Variants in WNT10A observed in about 807,000 individuals in gnomAD.
WNT10A encodes Wnt family member 10A.
WNT10A carries 37 observed loss-of-function variants against 36.1 expected under a neutral mutation model. The ratio of observed to expected loss-of-function variants is 1.02; its 90% confidence interval spans 0.79 to 1.35. The LOEUF (loss-of-function observed/expected upper bound fraction) is 1.35. Among genes scored for constraint, WNT10A ranks in the 40% most tolerant of loss-of-function variants. WNT10A has a pLI of 0.00. For missense variants in WNT10A, 613 were observed against 601.4 expected (o/e 1.02, Z -0.20); for synonymous variants, 255 against 254.1 (o/e 1.00, Z -0.03).
intron 2 of WNT10A, among the ~76,000 whole-genome samples, chr2:218,883,411 C>T (rs536912205): frequency 3.0e-4 from 45 of 152,200 alleles, no homozygotes; most frequent in Middle Eastern, 3.4e-3. Context: ...TCAGGCTGTA[C>T]CTCAAATTCG....
intron 2 of WNT10A, among the ~76,000 whole-genome samples, chr2:218,885,904 A>G (rs1265851606): frequency 6.6e-6 from 1 of 152,218 alleles, no homozygotes; most frequent in Middle Eastern, 3.2e-3. Flanking sequence ...TGTGTTAGGC[A>G]CTGCTCTACA....
intron 2 of WNT10A, among the ~76,000 whole-genome samples, chr2:218,886,384 C>G (rs958413939): frequency 6.6e-6 from 1 of 152,072 alleles, no homozygotes; most frequent in Non-Finnish European, 1.5e-5. Context: ...AGACCTCTCC[C>G]CTTCCCTCCC....
chr2:218,880,704 G>A, upstream of WNT10A: 2 of 368,650 alleles, frequency 5.4e-6, no homozygotes, highest in East Asian at 1.1e-4. The surrounding 1 kb of genome is among the most constrained non-coding windows in gnomAD (Gnocchi z 7.7). Flanking sequence ...TTACCCTTGA[G>A]AGGCACCGGG....
At chr2:218,887,389 C>T (rs955531923) in intron 2 of WNT10A, among the ~76,000 whole-genome samples, 4 of 152,066 alleles carry the variant, frequency 2.6e-5, no homozygotes, top group African/African-American at 7.2e-5. Flanking sequence ...GCTCAAAGTT[C>T]CACAGATAAA....
At chr2:218,879,174 C>G (rs1944481763), upstream of WNT10A, among the ~76,000 whole-genome samples, 1 of 150,994 alleles carries the variant, frequency 6.6e-6, no homozygotes, top group South Asian at 2.1e-4. Context: ...GGGAGTATGC[C>G]GTCAGCCTGC....
At chr2:218,880,718 TGTC>T (rs898683008), upstream of WNT10A, 6 of 399,036 alleles carry the variant, frequency 1.5e-5, no homozygotes, top group African/African-American at 1.1e-4. The surrounding 1 kb of genome is among the most constrained non-coding windows in gnomAD (Gnocchi z 7.7). Flanking sequence ...CACCGGGAGT[TGTC>T]GCGGGGGGGC....
In WNT10A at chr2:218,890,297, C is replaced by T. The variant is rs754257075; in HGVS notation, c.690C>T (p.Asp230=). 5 of 1,606,092 alleles carry T rather than the reference C, an allele frequency of 3.1e-6. No homozygotes were observed. Among genetic ancestry groups the T allele is most frequent in the Non-Finnish European group, 3.4e-6 (4 of 1,179,958 alleles). Residue 230 remains aspartate (D), a synonymous_variant, in exon 3 of 4, where the codon GAC becomes GAT. Coordinates refer to ENST00000258411, the MANE Select transcript of WNT10A (RefSeq NM_025216.3). ...FGERFSKDFL[D]SREPHRDIHA... is the part of the protein sequence containing the mutation. ...AGCGCTTTTCTAAGGACTTTCTGGACTCCCGGGAGCCTCACAGAGACATCC... is the reference window on the plus strand; with the variant it reads ...AGCGCTTTTCTAAGGACTTTCTGGATTCCCGGGAGCCTCACAGAGACATCC...
intron 3 of WNT10A, among the ~76,000 whole-genome samples, chr2:218,890,836 A>C (rs1169533454): frequency 6.6e-6 from 1 of 152,148 alleles, no homozygotes; most frequent in Non-Finnish European, 1.5e-5. Flanking sequence ...CTGCAAAGTA[A>C]GGGGTGTAAG....
chr2:218,881,218 G>A (rs1051556402), intron 1 of WNT10A, 110 bp downstream of exon 1: 1 of 1,497,856 alleles, frequency 6.7e-7, no homozygotes, highest in Non-Finnish European at 9.1e-7. Flanking sequence ...GAGGGACAGG[G>A]TCATAGGAAA....
intron 2 of WNT10A, chr2:218,883,919 CG>C (rs1443814416): frequency 6.6e-6 from 1 of 152,350 alleles, no homozygotes; most frequent in Non-Finnish European, 1.5e-5. Context: ...TCACCGCCGC[CG>C]CGGGCCCGCT....
upstream of WNT10A, among the ~76,000 whole-genome samples, chr2:218,876,931 T>G (rs1362778928): frequency 6.6e-6 from 1 of 152,022 alleles, no homozygotes; most frequent in African/African-American, 2.4e-5. Flanking sequence ...ACAGACAGCT[T>G]GGGTCAAGCT....
intron 3 of WNT10A, among the ~76,000 whole-genome samples, chr2:218,892,000 C>T (rs1944656383): frequency 6.6e-6 from 1 of 152,088 alleles, no homozygotes; most frequent in African/African-American, 2.4e-5. Context: ...CCCATAACCA[C>T]CTCCCTTGGA....
chr2:218,877,081 C>A (rs961099052), upstream of WNT10A, among the ~76,000 whole-genome samples: 1 of 152,128 alleles, frequency 6.6e-6, no homozygotes, highest in East Asian at 1.9e-4. This position sits in a 1 kb window ranked among gnomAD's most constrained non-coding sequence, Gnocchi z 4.1. Context: ...CTCCACAATG[C>A]CAGGGAGGGA....
intron 3 of WNT10A, 74 bp from the exon 4 acceptor site, chr2:218,892,700 G>A: frequency 6.5e-7 from 1 of 1,541,522 alleles, no homozygotes; most frequent in South Asian, 1.2e-5. Context: ...GGTTTCAGAA[G>A]CAGGCCAGGC....
intron 2 of WNT10A, among the ~76,000 whole-genome samples, chr2:218,885,773 G>T (rs57069275): frequency 1.7e-4 from 26 of 152,348 alleles, no homozygotes; most frequent in African/African-American, 5.5e-4. Context: ...GGCCTCCAGG[G>T]ATTGGGGTGG....
intron 2 of WNT10A, among the ~76,000 whole-genome samples, chr2:218,886,128 A>T (rs1313276607): frequency 6.6e-6 from 1 of 152,170 alleles, no homozygotes. Context: ...TGGAAGGCCA[A>T]CACTAAGTCC....
intron 2 of WNT10A, among the ~76,000 whole-genome samples, chr2:218,887,565 A>G (rs146541663): frequency 2.0e-4 from 31 of 152,246 alleles, no homozygotes; most frequent in Non-Finnish European, 4.0e-4. Flanking sequence ...TTCTCTGCTC[A>G]TAGCTGAGCT....
chr2:218,889,847 T>C (rs1245408050), intron 2 of WNT10A, 137 bp from the exon 3 acceptor site: 3 of 1,435,984 alleles, frequency 2.1e-6, no homozygotes, highest in African/African-American at 1.4e-5. Context: ...TCTGCCCTTC[T>C]TTGACTCTGT....
At chr2:218,892,370 C>T (rs868088942) in intron 3 of WNT10A, among the ~76,000 whole-genome samples, 1 of 143,834 alleles carries the variant, frequency 7.0e-6, no homozygotes, top group Non-Finnish European at 1.5e-5. Flanking sequence ...CGGCCTGGAG[C>T]GAGATACAGC....
Sources: gnomAD v4.1 joint callset for allele counts (sites outside exome capture counted in the v4.1 genomes callset) on GRCh38, gnomAD v4.1.1 for gene constraint, Gnocchi (gnomAD v3.1) non-coding constraint, MANE v1.5 for transcripts, NCBI Gene and HGNC (gene_info 2026-07-23, HGNC 2026-07-21) for gene names.